Variants in PLEKHG1 observed in about 807,000 individuals in gnomAD.
PLEKHG1 encodes the protein pleckstrin homology and RhoGEF domain containing G1.
PLEKHG1 carries 44 observed loss-of-function variants against 100.8 expected under a neutral mutation model. The observed-to-expected ratio is 0.44, with a 90% CI of 0.34 to 0.56. The LOEUF (loss-of-function observed/expected upper bound fraction) is 0.56. PLEKHG1 is among the 20% of genes least tolerant of loss of function. The pLI is 0.01. For synonymous variants in PLEKHG1, 640 were observed against 662.5 expected (o/e 0.97, Z 0.52); for missense variants, 1,545 against 1,720.9 (o/e 0.90, Z 1.81).
At position 150,742,280 on chromosome 6, in the gene PLEKHG1, C is replaced by T. The variant is rs149227882; in HGVS notation, c.411+8188C>T. Among the ~76,000 whole-genome samples, 75 of 152,194 alleles carry T rather than the reference C, an allele frequency of 4.9e-4. No individual in the cohort carries two copies. The East Asian group carries it at 9.3e-3, about 19-fold the overall frequency. The stretch of plus-strand genomic sequence containing the variant: ...AGGCATGACACATGTCAGGAGAGAA[C>T]GTGGTGGCCAGGTGCAGTGGCTCAC... On this transcript the variant is annotated intron_variant, in intron 2 of 15. Transcript: ENST00000358517.
At chr6:150,713,116 A>T (rs1344549546) in intron 3 of PLEKHG1, among the ~76,000 whole-genome samples, 1 of 152,208 alleles carries the variant, frequency 6.6e-6, no homozygotes, top group Non-Finnish European at 1.5e-5. Context: ...GTAAGAGGTG[A>T]TTGCCAGTTC....
At chr6:150,612,890 A>T (rs9480494) in intron 1 of PLEKHG1, among the ~76,000 whole-genome samples, 11,338 of 152,194 alleles carry the variant, frequency 0.074, 532 homozygotes, top group Non-Finnish European at 0.1. Flanking sequence ...TAGGCTCCTA[A>T]CTGGTCTCCT....
chr6:150,664,722 G>A (rs1027317619), intron 3 of PLEKHG1, among the ~76,000 whole-genome samples: 5 of 152,130 alleles, frequency 3.3e-5, no homozygotes, highest in African/African-American at 1.2e-4. Context: ...TGGCAGTTCA[G>A]CTGACACCGC....
intron 3 of PLEKHG1, among the ~76,000 whole-genome samples, chr6:150,680,816 A>G (rs1485670235): frequency 6.6e-6 from 1 of 152,210 alleles, no homozygotes; most frequent in Non-Finnish European, 1.5e-5. Flanking sequence ...GAAGACAGTG[A>G]GTACAGATAA....
At chr6:150,792,245 T>C (rs1302327209) in intron 4 of PLEKHG1, among the ~76,000 whole-genome samples, 1 of 151,572 alleles carries the variant, frequency 6.6e-6, no homozygotes, top group Non-Finnish European at 1.5e-5. Context: ...TAGTCCCAGC[T>C]ACTTGGGAGG....
intron 1 of PLEKHG1, among the ~76,000 whole-genome samples, chr6:150,608,860 T>A (rs1239454292): frequency 6.6e-6 from 1 of 152,190 alleles, no homozygotes; most frequent in Non-Finnish European, 1.5e-5. Context: ...AAAATGGGGA[T>A]AAGATGATAC....
chr6:150,709,314 G>A (rs1357780135), intron 3 of PLEKHG1, among the ~76,000 whole-genome samples: 6 of 152,234 alleles, frequency 3.9e-5, no homozygotes, highest in East Asian at 1.9e-4. Flanking sequence ...CAGCCTGGGC[G>A]ACAGAGCGAG....
chr6:150,701,048 A>G (rs952535238), intron 3 of PLEKHG1, among the ~76,000 whole-genome samples: 8 of 152,148 alleles, frequency 5.3e-5, no homozygotes, highest in Non-Finnish European at 7.4e-5. Flanking sequence ...GGCTGGGCAC[A>G]GTGGCTTATG....
rs1487307722 is a variant in PLEKHG1, at chr6:150,831,813, C to T, written c.2702C>T (p.Thr901Met). The T allele has an allele frequency of 3.7e-6, 6 of 1,612,480 alleles. No individual in the cohort carries two copies. Among genetic ancestry groups the T allele is most frequent in the South Asian group, 1.1e-5 (1 of 91,046 alleles). ...CTGCCTGAGAGCCAGGCTCTCCTCA[C>T]GCCCGTGAAGAGCAGGGCTGGCAGA... is the stretch of plus-strand genomic sequence containing the variant. Residue 901 changes from threonine (T) to methionine (M), a missense_variant, in exon 15 of 16, where the codon ACG becomes ATG. By Grantham distance (81) the Thr-to-Met change is moderately conservative. Transcript: ENST00000358517. The surrounding 1 kb of genome is among the most constrained non-coding windows in gnomAD (Gnocchi z 4.1).
chr6:150,633,731 C>T (rs534841520), intron 1 of PLEKHG1, among the ~76,000 whole-genome samples: 13 of 152,052 alleles, frequency 8.5e-5, no homozygotes, highest in Non-Finnish European at 1.3e-4. Context: ...TACTAATGGC[C>T]GAGGGGAGGA....
chr6:150,772,118 G>A (rs56263399), intron 3 of PLEKHG1, among the ~76,000 whole-genome samples: 33,200 of 152,086 alleles, frequency 0.22, 4,594 homozygotes, highest in African/African-American at 0.37. Flanking sequence ...AGGGGAGGGA[G>A]GATCTGGAAT....
chr6:150,724,446 T>G (rs1781853505), intron 1 of PLEKHG1, among the ~76,000 whole-genome samples: 1 of 152,138 alleles, frequency 6.6e-6, no homozygotes, highest in African/African-American at 2.4e-5. Context: ...ATAATTTCCT[T>G]CATCCCCCAC....
intron 3 of PLEKHG1, among the ~76,000 whole-genome samples, chr6:150,698,216 T>G (rs1445568910): frequency 2.6e-5 from 4 of 152,224 alleles, no homozygotes; most frequent in Non-Finnish European, 1.5e-5. Flanking sequence ...ATTTTAAATT[T>G]GTGCATGAAA....
At chr6:150,818,318 A>T in intron 11 of PLEKHG1, 102 bp downstream of exon 12, 1 of 901,568 alleles carries the variant, frequency 1.1e-6, no homozygotes, top group African/African-American at 1.6e-5. Context: ...GTTAGAAAAT[A>T]GTATCTCTCT....
intron 3 of PLEKHG1, among the ~76,000 whole-genome samples, chr6:150,713,199 T>C (rs1004485856): frequency 2.0e-5 from 3 of 152,092 alleles, no homozygotes; most frequent in Admixed American, 6.6e-5. Flanking sequence ...TTCAGAACTT[T>C]GTGGCAACAG....
In PLEKHG1 at chr6:150,743,071, T is replaced by C. The variant is rs939472845; in HGVS notation, c.411+8979T>C. 6.6e-5 allele frequency among the ~76,000 whole-genome samples: 10 copies of C among 152,196 alleles called. No individual in the cohort carries two copies. In the East Asian group the frequency reaches 1.7e-3, roughly 26 times the overall value. On this transcript the variant is annotated intron_variant, in intron 2 of 15. Transcript: ENST00000358517. ...CCTGGCTACATCCTATAAGGGAGGA[T>C]GGGAGGTGCAGTCTAGCCGTGTGTC...
rs369807524 is a variant in PLEKHG1 at position 150,830,087 on chromosome 6, G to A, written c.1471-495G>A. Among the ~76,000 whole-genome samples the A allele has an allele frequency of 4.8e-4, 73 of 152,298 alleles. 3 individuals are homozygous for A. The South Asian group carries it at 0.011, about 23-fold the overall frequency. On this transcript the variant is annotated intron_variant, in intron 14 of 15. Coordinates refer to ENST00000358517, the Ensembl canonical transcript of PLEKHG1. ...TAGCTTATATCATGCTTTGGGGCAA[G>A]GGGTTTGGGGTTAGACCTGGGTTCT...
chr6:150,603,118 A>G (rs1485184913), intron 1 of PLEKHG1, among the ~76,000 whole-genome samples: 2 of 151,518 alleles, frequency 1.3e-5, no homozygotes, highest in African/African-American at 4.8e-5. Context: ...AGAAAAAATT[A>G]TAATCCCTTG....
At chr6:150,772,392 G>A (rs537174864) in intron 3 of PLEKHG1, among the ~76,000 whole-genome samples, 67 of 152,304 alleles carry the variant, frequency 4.4e-4, no homozygotes, top group African/African-American at 1.5e-3. Flanking sequence ...GGCCCAGGTG[G>A]GAGGACTGCT....
Sources: allele counts gnomAD v4.1 joint callset (sites outside exome capture counted in the v4.1 genomes callset), GRCh38; gene constraint gnomAD v4.1.1; non-coding constraint Gnocchi (gnomAD v3.1); transcripts MANE v1.5; gene names NCBI Gene and HGNC (gene_info 2026-07-23, HGNC 2026-07-21).